Variants in LANCL3 observed in about 807,000 individuals in gnomAD.
LANCL3 encodes lanC-like protein 3.
A neutral mutation model predicts 26.5 loss-of-function variants in LANCL3; 19 were observed. The observed-to-expected ratio is 0.72, with a 90% confidence interval of 0.50 to 1.05. LANCL3 has a LOEUF of 1.05. Among genes scored for constraint, LANCL3 ranks in the 50% least tolerant of loss-of-function variants. The pLI, the probability that LANCL3 is intolerant of heterozygous loss-of-function variation, is 0.00. For synonymous variants in LANCL3, 160 were observed against 166.6 expected (o/e 0.96, Z 0.30); for missense variants, 318 against 362.7 (o/e 0.88, Z 1.00).
At chrX:37,612,559 T>C (rs150818175) in intron 1 of LANCL3, among the ~76,000 whole-genome samples, 1,905 of 112,663 alleles carry the variant, frequency 0.017, 13 homozygotes, top group Middle Eastern at 0.051. Context: ...CTTGATGTAT[T>C]ATGCTTAACT....
intron 1 of LANCL3, among the ~76,000 whole-genome samples, chrX:37,628,736 C>A (rs1196424801): frequency 9.3e-6 from 1 of 107,401 alleles, no homozygotes; most frequent in Non-Finnish European, 1.9e-5. Flanking sequence ...CTGAGAATGA[C>A]GATTTCTAAT....
In LANCL3 at chrX:37,678,325, A is replaced by T. The variant is rs782344056; in HGVS notation, c.*2512A>T. 12 of 110,299 alleles carry T rather than the reference A, an allele frequency of 1.1e-4. No individual in the cohort carries two copies. The highest frequency in any genetic ancestry group is 1.7e-4 in the Non-Finnish European group (9 of 52,534). 9.1% of individuals were successfully genotyped at this position (110,299 alleles called of 1,213,427 possible). A position where few individuals can be genotyped will look rare whatever the true frequency, so the allele number is the denominator to read the frequency against. On this transcript the variant is annotated 3_prime_UTR_variant, in exon 5 of 5. Coordinates refer to ENST00000378619, the MANE Select transcript of LANCL3 (RefSeq NM_001170331.2). ...GTGGCATGTTACTTCTTATTTAATT[A>T]TCCAACTTGCCCCCCTTCTCTGTGG... is the stretch of plus-strand genomic sequence containing the variant.
At chrX:37,670,321 C>G (rs1339749121) in intron 4 of LANCL3, among the ~76,000 whole-genome samples, 4 of 111,529 alleles carry the variant, frequency 3.6e-5, no homozygotes, top group Non-Finnish European at 7.5e-5. Context: ...TAGCCTTTGT[C>G]ATACCAAAGT....
intron 1 of LANCL3, among the ~76,000 whole-genome samples, chrX:37,615,456 T>C (rs1229238439): frequency 8.9e-6 from 1 of 112,325 alleles, no homozygotes; most frequent in Non-Finnish European, 1.9e-5. Context: ...TAATTAGAAT[T>C]CCTGCAGTTG....
At chrX:37,670,089 A>G (rs1254680710) in intron 4 of LANCL3, among the ~76,000 whole-genome samples, 1 of 112,297 alleles carries the variant, frequency 8.9e-6, no homozygotes, top group East Asian at 2.8e-4. Context: ...ATTTCCCCAA[A>G]TATCCAATAC....
At chrX:37,643,123 T>C (rs1925908169) in intron 1 of LANCL3, among the ~76,000 whole-genome samples, 1 of 112,024 alleles carries the variant, frequency 8.9e-6, no homozygotes, top group African/African-American at 3.2e-5. Flanking sequence ...ATCAGGAGAC[T>C]GACAACTGCA....
rs1277660684 is a variant in LANCL3 at position 37,681,841 on chromosome X, T to A, written c.*6028T>A. On this transcript the variant is annotated 3_prime_UTR_variant, in exon 5 of 5. Transcript: ENST00000378619. ...ATTCAGAATCACCCGAGAGCCACAA[T>A]ATCTCTTTTGTTCTAGAACAACCAC... The A allele has an allele frequency of 9.0e-6, 1 of 111,596 alleles. No individual in the cohort carries two copies. The highest frequency in any genetic ancestry group is 2.8e-4 in the East Asian group (1 of 3,572). The allele number at this position is 111,596 out of a possible 1,213,427, so 9.2% of individuals were successfully genotyped here.
intron 1 of LANCL3, among the ~76,000 whole-genome samples, chrX:37,633,432 C>T (rs3117502): frequency 0.23 from 25,885 of 111,031 alleles, 2,595 homozygotes; most frequent in African/African-American, 0.4. Flanking sequence ...CTCACCTCGT[C>T]AAAGTCATTC....
intron 2 of LANCL3, among the ~76,000 whole-genome samples, chrX:37,659,067 A>G (rs183682469): frequency 5.3e-5 from 6 of 112,885 alleles, no homozygotes; most frequent in Non-Finnish European, 3.7e-5. Context: ...ACAAAGTTTT[A>G]AAAGATCTCT....
chrX:37,608,070 C>T (rs782560148), intron 1 of LANCL3, among the ~76,000 whole-genome samples: 4 of 112,019 alleles, frequency 3.6e-5, no homozygotes, highest in South Asian at 3.8e-4. Context: ...GCTAGTGCTT[C>T]GGGGGGCAGT....
chrX:37,597,054 A>G (rs1924450188), intron 1 of LANCL3, among the ~76,000 whole-genome samples: 2 of 112,038 alleles, frequency 1.8e-5, no homozygotes, highest in African/African-American at 6.5e-5. Context: ...GGATTCGCCT[A>G]TTCTGGGCAT....
intron 1 of LANCL3, among the ~76,000 whole-genome samples, chrX:37,599,455 G>A (rs1421674985): frequency 8.9e-6 from 1 of 111,747 alleles, no homozygotes; most frequent in Non-Finnish European, 1.9e-5. Flanking sequence ...AAGTTGCTAG[G>A]TGATGCCAGT....
rs1025300289 is a variant in LANCL3, at chrX:37,675,776, A to G, written c.1226A>G (p.Asn409Ser). ...TTTCTGATTGACCTGCTGCAGCCCA[A>G]TCAGGCTGAATTCCCACTCTTCAGC... Reference protein sequence around the residue: ...VCFLIDLLQPNQAEFPLFSVF... With the variant: ...VCFLIDLLQPSQAEFPLFSVF... The change falls in exon 5 of 5, where the codon AAT becomes AGT. Residue 409 changes from asparagine to serine, a missense_variant. Asn to Ser is a conservative substitution (Grantham distance 46). Coordinates refer to ENST00000378619, the MANE Select transcript of LANCL3 (RefSeq NM_001170331.2). 4 of 1,159,226 alleles carry G rather than the reference A, an allele frequency of 3.5e-6. No homozygotes were observed. The highest frequency in any genetic ancestry group is 2.7e-5 in the Admixed American group (1 of 37,733).
intron 1 of LANCL3, among the ~76,000 whole-genome samples, chrX:37,596,503 G>A (rs1924433154): frequency 8.9e-6 from 1 of 112,143 alleles, no homozygotes; most frequent in South Asian, 3.7e-4. Flanking sequence ...TTCTGTTACT[G>A]TGTAGCGTTT....
intron 3 of LANCL3, among the ~76,000 whole-genome samples, chrX:37,663,846 A>G (rs1926478665): frequency 9.0e-6 from 1 of 111,480 alleles, no homozygotes; most frequent in Non-Finnish European, 1.9e-5. Context: ...CTTGGTATCA[A>G]GAGGAACCTG....
In LANCL3 at chrX:37,675,717, C is replaced by T; in HGVS notation, c.1167C>T (p.Tyr389=). 8.6e-7 allele frequency: 1 copy of T among 1,160,338 alleles called. No individual in the cohort carries two copies. Among genetic ancestry groups the T allele is most frequent in the Non-Finnish European group, 1.2e-6 (1 of 867,844 alleles). ...GTTCTCGGGTCCTTGAAAGTATATA[C>T]AGCTTGTATGAAGGCTTCTCTGGGA... is the stretch of plus-strand genomic sequence containing the variant. ...KAGSRVLESI[Y]SLYEGFSGTV... is the part of the protein sequence containing the mutation. The change falls in exon 5 of 5, where the codon TAC becomes TAT. Residue 389 remains tyrosine (Y), a synonymous_variant. Transcript: ENST00000378619.
intron 1 of LANCL3, among the ~76,000 whole-genome samples, chrX:37,650,567 G>A (rs1486994450): frequency 9.4e-6 from 1 of 105,936 alleles, no homozygotes; most frequent in Non-Finnish European, 1.9e-5. Flanking sequence ...GGCGGAGTAT[G>A]GGGGTGGGTA....
At chrX:37,584,725 A>G (rs1426601336) in intron 1 of LANCL3, among the ~76,000 whole-genome samples, 36 of 111,235 alleles carry the variant, frequency 3.2e-4, no homozygotes, top group Admixed American at 1.9e-4. Context: ...CTAGCGGTCT[A>G]TCAATTTTGT....
At chrX:37,600,727 G>C (rs991654239) in intron 1 of LANCL3, among the ~76,000 whole-genome samples, 32 of 112,057 alleles carry the variant, frequency 2.9e-4, no homozygotes, top group African/African-American at 9.7e-4. Flanking sequence ...GAACTTGTTA[G>C]GGGGCTGGGA....
Sources: allele counts gnomAD v4.1 joint callset (sites outside exome capture counted in the v4.1 genomes callset), GRCh38; gene constraint gnomAD v4.1.1; transcripts MANE v1.5; gene names NCBI Gene and HGNC (gene_info 2026-07-23, HGNC 2026-07-21).